The following ARHGAP26 variants were observed in gnomAD, a reference collection of about 807,000 sequenced individuals.
ARHGAP26 encodes the protein rho GTPase-activating protein 26.
ARHGAP26 carries 38 observed loss-of-function variants against 104.8 expected under a neutral mutation model. That is an observed-to-expected ratio of 0.36 (90% CI 0.28 to 0.48). The LOEUF is 0.48. ARHGAP26 is among the 20% of genes least tolerant of loss of function. The pLI, the probability that ARHGAP26 is intolerant of heterozygous loss-of-function variation, is 0.99. For synonymous variants in ARHGAP26, 341 were observed against 340.0 expected, an observed-to-expected ratio of 1.00 and a Z score of -0.03; for missense variants, 704 against 947.9, an observed-to-expected ratio of 0.74 and a Z score of 3.38.
chr5:143,108,835 A>T (rs1794405488), intron 17 of ARHGAP26, among the ~76,000 whole-genome samples: 1 of 152,220 alleles, frequency 6.6e-6, no homozygotes. Context: ...GATTATGGTC[A>T]TGTCCATAGA....
chr5:143,182,797 C>A (rs1804575563), intron 20 of ARHGAP26, among the ~76,000 whole-genome samples: 1 of 152,160 alleles, frequency 6.6e-6, no homozygotes, highest in Admixed American at 6.5e-5. Flanking sequence ...TCGTTATCCA[C>A]CCAATTCTCA....
intron 17 of ARHGAP26, among the ~76,000 whole-genome samples, chr5:143,090,267 G>A (rs1189342472): frequency 6.6e-6 from 1 of 152,256 alleles, no homozygotes; most frequent in Non-Finnish European, 1.5e-5. Context: ...CGGTTGACTG[G>A]AGGACCACCC....
chr5:142,927,481 G>T (rs1764079851), intron 10 of ARHGAP26, among the ~76,000 whole-genome samples: 1 of 152,064 alleles, frequency 6.6e-6, no homozygotes, highest in South Asian at 2.1e-4. Context: ...ATTCATTCGT[G>T]TTGTTGCATT....
chr5:143,044,355 T>C (rs1181291290), intron 14 of ARHGAP26, among the ~76,000 whole-genome samples: 1 of 152,204 alleles, frequency 6.6e-6, no homozygotes, highest in Non-Finnish European at 1.5e-5. Flanking sequence ...TGTGGCTTTG[T>C]TCTCTGTGGG....
At chr5:143,102,071 A>G (rs543002300) in intron 17 of ARHGAP26, among the ~76,000 whole-genome samples, 19 of 152,162 alleles carry the variant, frequency 1.2e-4, no homozygotes, top group Admixed American at 2.0e-4. Context: ...ATTCAAAACT[A>G]TGTGGTAAGT....
chr5:142,860,458 T>C (rs1461584430), intron 1 of ARHGAP26: 2 of 152,214 alleles, frequency 1.3e-5, no homozygotes, highest in Admixed American at 6.5e-5. Flanking sequence ...CCAAGAGTGC[T>C]TGGCTCTCCA....
chr5:142,945,072 A>G (rs1024063890), intron 11 of ARHGAP26, among the ~76,000 whole-genome samples: 3 of 152,140 alleles, frequency 2.0e-5, no homozygotes, highest in Non-Finnish European at 4.4e-5. Flanking sequence ...GATCCTCTGC[A>G]TCTCTCTGAC....
intron 11 of ARHGAP26, among the ~76,000 whole-genome samples, chr5:142,958,179 C>T (rs151198671): frequency 6.6e-6 from 1 of 152,076 alleles, no homozygotes; most frequent in Admixed American, 6.6e-5. Context: ...TTTCTCCTCC[C>T]CCTGGTTTGG....
At chr5:142,940,770 A>G (rs111257134) in intron 11 of ARHGAP26, among the ~76,000 whole-genome samples, 3,913 of 152,202 alleles carry the variant, frequency 0.026, 169 homozygotes, top group African/African-American at 0.089. Context: ...ATATGCATGT[A>G]TATGTCTTTA....
rs928234111 is a variant in ARHGAP26 at position 143,223,627 on chromosome 5, T to C, written c.*1181T>C. 5 of 231,526 alleles carry C rather than the reference T, an allele frequency of 2.2e-5. No individual in the cohort carries two copies. The highest frequency in any genetic ancestry group is 4.3e-5 in the Non-Finnish European group (5 of 116,750). 14.3% of individuals were successfully genotyped at this position (231,526 alleles called of 1,614,324 possible). A position where few individuals can be genotyped will look rare whatever the true frequency, so the allele number is the denominator to read the frequency against. On this transcript the variant is annotated 3_prime_UTR_variant, in exon 23 of 23. Coordinates refer to ENST00000645722, the MANE Select transcript of ARHGAP26 (RefSeq NM_001135608.3). ...GCTGAACACTGGTGCTGTGGTGGTT[T>C]TCAAGGTTAATTCCTAGGCTAACCG...
At chr5:142,949,394 T>G (rs527472567) in intron 11 of ARHGAP26, among the ~76,000 whole-genome samples, 40 of 152,184 alleles carry the variant, frequency 2.6e-4, no homozygotes, top group African/African-American at 8.7e-4. Flanking sequence ...GCCTTCATTT[T>G]TGCCACCGTC....
At chr5:143,132,935 A>G (rs2150890777) in intron 18 of ARHGAP26, among the ~76,000 whole-genome samples, 1 of 151,972 alleles carries the variant, frequency 6.6e-6, no homozygotes, top group Non-Finnish European at 1.5e-5. Context: ...CCTGAGCCTT[A>G]GTTCTTCATT....
At chr5:143,092,244 A>G (rs1177633069) in intron 17 of ARHGAP26, among the ~76,000 whole-genome samples, 1 of 150,714 alleles carries the variant, frequency 6.6e-6, no homozygotes, top group African/African-American at 2.4e-5. Flanking sequence ...GCTCACTGCA[A>G]GCTCCGCCTC....
At chr5:142,883,063 G>C (rs937585068) in intron 4 of ARHGAP26, among the ~76,000 whole-genome samples, 15 of 152,150 alleles carry the variant, frequency 9.9e-5, no homozygotes, top group African/African-American at 3.4e-4. Context: ...GTACTTTTTT[G>C]CTGCAGAGGT....
intron 20 of ARHGAP26, among the ~76,000 whole-genome samples, chr5:143,173,997 G>A (rs1803138110): frequency 6.6e-6 from 1 of 152,210 alleles, no homozygotes. Flanking sequence ...ACAGAGAAGT[G>A]TTGTATCTTC....
At chr5:142,950,071 T>G (rs1165562027) in intron 11 of ARHGAP26, among the ~76,000 whole-genome samples, 1 of 152,214 alleles carries the variant, frequency 6.6e-6, no homozygotes, top group East Asian at 1.9e-4. Context: ...TGCATCTTTC[T>G]GATGTCTGCC....
chr5:143,061,800 G>A (rs1786751315), intron 17 of ARHGAP26, among the ~76,000 whole-genome samples: 1 of 152,232 alleles, frequency 6.6e-6, no homozygotes, highest in South Asian at 2.1e-4. Context: ...TCCTCGCAGA[G>A]TCCCAGCATA....
intron 1 of ARHGAP26, among the ~76,000 whole-genome samples, chr5:142,869,671 A>G (rs1447224195): frequency 2.0e-5 from 3 of 152,214 alleles, no homozygotes; most frequent in Admixed American, 6.5e-5. Context: ...CCCAAGGAGA[A>G]AAAGGAAATG....
intron 2 of ARHGAP26, among the ~76,000 whole-genome samples, chr5:142,874,368 A>C (rs1395423973): frequency 1.3e-5 from 2 of 152,222 alleles, no homozygotes. Flanking sequence ...AATTCATCAA[A>C]TGCTTATTGA....
Sources: allele counts gnomAD v4.1 joint callset (sites outside exome capture counted in the v4.1 genomes callset), GRCh38; gene constraint gnomAD v4.1.1; transcripts MANE v1.5; gene names NCBI Gene and HGNC (gene_info 2026-07-23, HGNC 2026-07-21).